Variants in RNF212B observed in about 807,000 individuals in gnomAD.
The protein encoded by RNF212B is E3 ubiquitin-protein ligase RNF212B.
In RNF212B, 52 loss-of-function variants were observed where a neutral mutation model predicts 55.5. The ratio of observed to expected loss-of-function variants is 0.94; its 90% CI spans 0.75 to 1.18. The LOEUF (loss-of-function observed/expected upper bound fraction) is 1.18. RNF212B is among the 50% of genes most tolerant of loss of function. The pLI is 0.00. For missense variants in RNF212B, 289 were observed against 350.4 expected, an observed-to-expected ratio of 0.82 and a Z score of 1.40; for synonymous variants, 99 against 121.4, an observed-to-expected ratio of 0.82 and a Z score of 1.21.
chr14:23,197,245 G>A lies in RNF212B; in HGVS notation c.-2+3844G>A, dbSNP rs115565115. ...AAAGGGTGAGAAAAATATAACGAGAGGCCAGGCACTGTGGCTCACGCCTGT... is the reference window on the plus strand; with the variant it reads ...AAAGGGTGAGAAAAATATAACGAGAAGCCAGGCACTGTGGCTCACGCCTGT... On this transcript the variant is annotated intron_variant, in intron 2 of 15. Transcript: ENST00000399910. Among the ~76,000 whole-genome samples, 475 of 152,284 alleles carry A rather than the reference G, an allele frequency of 3.1e-3. 3 individuals are homozygous for A. Among genetic ancestry groups the A allele is most frequent in the African/African-American group, 0.011 (437 of 41,554 alleles).
Position 23,260,567 on chromosome 14 carries a change from C to T in RNF212B, c.406-92C>T. On this transcript the variant is annotated intron_variant, in intron 6 of 14. Coordinates refer to ENST00000430154, the MANE Select transcript of RNF212B (RefSeq NM_001282322.3). ...TCTTAGCAACCATGACTAAGGGGCA[C>T]TGAGCTTAGTTATCTCGCAAGTAAG... 1.6e-5 allele frequency: 19 copies of T among 1,209,740 alleles called. No homozygotes were observed. In the South Asian group the frequency reaches 2.5e-4, roughly 16 times the overall value. 74.9% of individuals were successfully genotyped at this position (1,209,740 alleles called of 1,614,324 possible). A position where few individuals can be genotyped will look rare whatever the true frequency, so the allele number is the denominator to read the frequency against.
At position 23,217,268 on chromosome 14, in the gene RNF212B, C is replaced by T. The variant is rs539023640; in HGVS notation, c.-1-23077C>T. ...TGGTGGCAGTGGTGGGGGGGGGGCT[C>T]CTCTGCCTGTGGAAAGGGGAGGGAA... On this transcript the variant is annotated intron_variant, in intron 2 of 15. Coordinates refer to the RNF212B transcript ENST00000399910. 1.2e-3 allele frequency among the ~76,000 whole-genome samples: 182 copies of T among 149,960 alleles called. 1 individual carries two copies. The highest frequency in any genetic ancestry group is 4.3e-3 in the African/African-American group (170 of 39,794).
intron 2 of RNF212B, among the ~76,000 whole-genome samples, chr14:23,200,294 C>T (rs1252395611): frequency 6.6e-6 from 1 of 151,366 alleles, no homozygotes; most frequent in Non-Finnish European, 1.5e-5. Flanking sequence ...TTTGTGCCAT[C>T]AAATACCTAC....
At position 23,227,223 on chromosome 14, in the gene RNF212B, A is replaced by T. The variant is rs946487844; in HGVS notation, c.-1-13122A>T. Among the ~76,000 whole-genome samples the T allele has an allele frequency of 9.3e-5, 14 of 150,402 alleles. No individual in the cohort carries two copies. The South Asian group carries it at 1.1e-3, about 11-fold the overall frequency. ...ATAGCTATTTTATTTTATTATTATA[A>T]TTTTTTTTTTGGTAAAACGGAGTAG... On this transcript the variant is annotated intron_variant, in intron 2 of 15. Coordinates refer to the RNF212B transcript ENST00000399910.
At chr14:23,266,021 GA>G (rs1397303871) in intron 11 of RNF212B, among the ~76,000 whole-genome samples, 2 of 152,074 alleles carry the variant, frequency 1.3e-5, no homozygotes, top group African/African-American at 4.8e-5. Flanking sequence ...CTGTTGCCCA[GA>G]CTGGAGTGCA....
chr14:23,272,996 C>T lies in RNF212B; in HGVS notation c.*105C>T. The T allele has an allele frequency of 3.1e-6, 2 of 646,228 alleles. No individual in the cohort carries two copies. The highest frequency in any genetic ancestry group is 5.3e-6 in the Non-Finnish European group (2 of 379,568). 40.0% of individuals were successfully genotyped at this position (646,228 alleles called of 1,614,324 possible). On this transcript the variant is annotated 3_prime_UTR_variant, in exon 15 of 15. Transcript: ENST00000430154. ...GGAAAATGTATCCCTGCATTGTTTCCTAGTTTCACTCTGTACCTTATGCTC... is the reference window on the plus strand; with the variant it reads ...GGAAAATGTATCCCTGCATTGTTTCTTAGTTTCACTCTGTACCTTATGCTC...
chr14:23,202,836 C>T (rs1445484602), intron 2 of RNF212B, among the ~76,000 whole-genome samples: 1 of 136,670 alleles, frequency 7.3e-6, no homozygotes, highest in South Asian at 2.3e-4. Flanking sequence ...GGCGACAGAG[C>T]GAGACCCTGT....
chr14:23,229,261 T>TATATACACAC (rs558232357), intron 2 of RNF212B, among the ~76,000 whole-genome samples: 1 of 127,182 alleles, frequency 7.9e-6, no homozygotes, highest in African/African-American at 3.1e-5. Context: ...TATATATATA[T>TATATACACAC]ACCACATTGT....
At chr14:23,249,746 C>T (rs949313435) in intron 4 of RNF212B, among the ~76,000 whole-genome samples, 3 of 152,118 alleles carry the variant, frequency 2.0e-5, no homozygotes, top group African/African-American at 7.2e-5. Flanking sequence ...AAAACATAAC[C>T]CTCTGCCTGG....
upstream of RNF212B, among the ~76,000 whole-genome samples, chr14:23,234,024 G>C (rs1336750549): frequency 6.6e-6 from 1 of 152,168 alleles, no homozygotes; most frequent in Non-Finnish European, 1.5e-5. Context: ...TTGAACCTGG[G>C]AGGCAGAGGT....
intron 1 of RNF212B, among the ~76,000 whole-genome samples, chr14:23,239,426 C>A (rs1343909043): frequency 7.2e-5 from 11 of 152,186 alleles, no homozygotes; most frequent in African/African-American, 2.4e-4. Flanking sequence ...CAAGCTGAGA[C>A]CATACCATCA....
chr14:23,262,526 C>T (rs1026409490), intron 7 of RNF212B, 139 bp from the exon 8 acceptor site: 10 of 716,306 alleles, frequency 1.4e-5, no homozygotes, highest in Non-Finnish European at 1.9e-5. Flanking sequence ...AGGATGCTAC[C>T]TATAATACAT....
chr14:23,254,760 TATC>T, intron 4 of RNF212B, among the ~76,000 whole-genome samples: 1 of 152,318 alleles, frequency 6.6e-6, no homozygotes, highest in South Asian at 2.1e-4. Flanking sequence ...CGTCTTGTCT[TATC>T]ATAGTAAACC....
Position 23,252,845 on chromosome 14 carries a change from A to G in RNF212B, c.229-5704A>G, listed in dbSNP as rs111984144. 6.9e-4 allele frequency among the ~76,000 whole-genome samples: 105 copies of G among 152,326 alleles called. 1 individual carries two copies. The highest frequency in any genetic ancestry group is 1.3e-3 in the Non-Finnish European group (88 of 68,022). On this transcript the variant is annotated intron_variant, in intron 4 of 14. Coordinates refer to ENST00000430154, the MANE Select transcript of RNF212B (RefSeq NM_001282322.3). ...TCTAATGTCATATTCTATTTATGAG[A>G]ACAATGAGGATGCAAATGGTCAGCA...
chr14:23,210,795 A>AAAAAAAAAAT (rs1880430544), intron 2 of RNF212B, among the ~76,000 whole-genome samples: 1 of 150,718 alleles, frequency 6.6e-6, no homozygotes, highest in Non-Finnish European at 1.5e-5. Flanking sequence ...AAAAAAAAAA[A>AAAAAAAAAAT]GAAATGTAGG....
chr14:23,230,142 C>T (rs1277837202), intron 2 of RNF212B: 2 of 163,024 alleles, frequency 1.2e-5, no homozygotes, highest in African/African-American at 4.8e-5. Flanking sequence ...CGAATACACA[C>T]CACAATGGTG....
At chr14:23,222,646 C>T (rs1296361931) in intron 2 of RNF212B, among the ~76,000 whole-genome samples, 6 of 152,134 alleles carry the variant, frequency 3.9e-5, no homozygotes, top group Non-Finnish European at 8.8e-5. Flanking sequence ...GCCAGTATTT[C>T]CCCTATACCA....
At chr14:23,259,672 C>A in intron 5 of RNF212B, 2 of 343,328 alleles carry the variant, frequency 5.8e-6, no homozygotes, top group Non-Finnish European at 1.1e-5. Context: ...GAAATCATAC[C>A]AAGTAATTGC....
intron 11 of RNF212B, among the ~76,000 whole-genome samples, chr14:23,266,495 T>C (rs1885716065): frequency 7.7e-6 from 1 of 129,718 alleles, no homozygotes; most frequent in South Asian, 2.7e-4. Context: ...CACCGCAACC[T>C]CCGCCTCCCA....
Sources: allele counts gnomAD v4.1 joint callset (sites outside exome capture counted in the v4.1 genomes callset), GRCh38; gene constraint gnomAD v4.1.1; transcripts MANE v1.5; gene names NCBI Gene and HGNC (gene_info 2026-07-23, HGNC 2026-07-21).